ELF2: variants seen among roughly 807,000 people sequenced by gnomAD.
ELF2 encodes E74 like ETS transcription factor 2.
Under a neutral mutation model 54.8 loss-of-function variants are expected in ELF2, and 11 were observed. The observed-to-expected ratio is 0.20, with a 90% CI of 0.13 to 0.33. The LOEUF (loss-of-function observed/expected upper bound fraction) is 0.33, where lower values mean the gene tolerates loss of function less well. Among genes scored for constraint, ELF2 ranks in the 10% least tolerant of loss-of-function variants. The probability of loss-of-function intolerance (pLI) is 1.00; values close to 1 mark genes in which losing one functional copy is unlikely to be tolerated. For synonymous variants in ELF2, 203 were observed against 245.1 expected (o/e 0.83, Z 1.61); for missense variants, 513 against 703.0 (o/e 0.73, Z 3.06).
Position 139,150,555 on chromosome 4 carries a change from G to A in ELF2, c.-251-11058C>T, listed in dbSNP as rs1005330512. ...AAAAAAAAATATGTGAATGAGCAAA[G>A]GGCAAAAGTCAGCCAAGACCCTCCT... On this transcript the variant is annotated intron_variant, in intron 1 of 9. Coordinates refer to ENST00000686138, the MANE Select transcript of ELF2 (RefSeq NM_001331036.3). Among the ~76,000 whole-genome samples the A allele has an allele frequency of 9.3e-5, 14 of 150,804 alleles. No individual in the cohort carries two copies. In the East Asian group the frequency reaches 1.9e-3, roughly 21 times the overall value.
chr4:139,129,805 CTGTT>C (rs1273410084), intron 3 of ELF2, among the ~76,000 whole-genome samples: 1 of 152,168 alleles, frequency 6.6e-6, no homozygotes, highest in East Asian at 1.9e-4. Flanking sequence ...ACAATCAGAA[CTGTT>C]TGTGTTACTT....
At position 139,073,438 on chromosome 4, in the gene ELF2, T is replaced by G; in HGVS notation, c.352+16A>C. 5.2e-6 allele frequency: 8 copies of G among 1,552,514 alleles called. No individual in the cohort carries two copies. Among genetic ancestry groups the G allele is most frequent in the Non-Finnish European group, 7.0e-6 (8 of 1,142,032 alleles). ...TAGTATGACACGTTTAACATAAGAATGAACAGTTTACATACCAGGACTTCT... is the reference window on the plus strand; with the variant it reads ...TAGTATGACACGTTTAACATAAGAAGGAACAGTTTACATACCAGGACTTCT... On this transcript the variant is annotated intron_variant, in intron 5 of 9. Transcript: ENST00000686138.
At position 139,057,554 on chromosome 4, in the gene ELF2, CTT is replaced by C. The variant is rs996750429; in HGVS notation, c.*1427_*1428del. ...TAAAAGGGCTAGAAGAGTAATTGTT[CTT>C]TTTAATCCACAAAAGGTCTGATTGT... On this transcript the variant is annotated 3_prime_UTR_variant, in exon 10 of 10. Transcript: ENST00000686138. 3 of 152,102 alleles carry C rather than the reference CTT, an allele frequency of 2.0e-5. No individual in the cohort carries two copies. The highest frequency in any genetic ancestry group is 2.9e-5 in the Non-Finnish European group (2 of 67,998). The allele number at this position is 152,102 out of a possible 1,614,324, so 9.4% of individuals were successfully genotyped here. A position where few individuals can be genotyped will look rare whatever the true frequency, so the allele number is the denominator to read the frequency against.
chr4:139,127,386 T>C (rs971088752), intron 3 of ELF2, among the ~76,000 whole-genome samples: 1 of 152,172 alleles, frequency 6.6e-6, no homozygotes, highest in African/African-American at 2.4e-5. Flanking sequence ...CACTGACTAC[T>C]TGAAGACAAG....
intron 4 of ELF2, among the ~76,000 whole-genome samples, chr4:139,091,428 A>G (rs1248896538): frequency 6.6e-6 from 1 of 152,264 alleles, no homozygotes; most frequent in Admixed American, 6.5e-5. Context: ...AAAGCAACAT[A>G]GCAAACCTAA....
intron 4 of ELF2, among the ~76,000 whole-genome samples, chr4:139,099,470 A>T (rs922338179): frequency 6.6e-6 from 1 of 152,214 alleles, no homozygotes; most frequent in Non-Finnish European, 1.5e-5. Context: ...ATAGTCAAGT[A>T]AAACTTCCTA....
intron 1 of ELF2, among the ~76,000 whole-genome samples, chr4:139,145,130 G>A (rs2101424): frequency 0.18 from 27,495 of 152,196 alleles, 2,881 homozygotes; most frequent in South Asian, 0.34. Flanking sequence ...CCAAGAAGGA[G>A]AAAACTTATG....
intron 1 of ELF2, among the ~76,000 whole-genome samples, chr4:139,154,936 T>G (rs892882115): frequency 7.2e-5 from 11 of 152,162 alleles, no homozygotes; most frequent in Admixed American, 6.5e-4. Flanking sequence ...CTTTTAAAAA[T>G]TTCTTCCTCT....
intron 4 of ELF2, among the ~76,000 whole-genome samples, chr4:139,113,913 A>G (rs1735250246): frequency 6.6e-6 from 1 of 152,120 alleles, no homozygotes; most frequent in South Asian, 2.1e-4. Context: ...TGCTTTATTA[A>G]TTGACAGAGT....
rs1157707467 is a variant in ELF2 at position 139,067,785 on chromosome 4, T to C, written c.527-15A>G. 6.4e-7 allele frequency: 1 copy of C among 1,566,388 alleles called. No individual in the cohort carries two copies. The highest frequency in any genetic ancestry group is 1.2e-5 in the South Asian group (1 of 83,976). ...TTTACGGCCAACTGAAAAAATAAGATATTGAAACCATACGTTGAAAACAAG... is the reference window on the plus strand; with the variant it reads ...TTTACGGCCAACTGAAAAAATAAGACATTGAAACCATACGTTGAAAACAAG... On this transcript the variant is annotated splice_polypyrimidine_tract_variant and intron_variant, in intron 6 of 9. Coordinates refer to ENST00000686138, the MANE Select transcript of ELF2 (RefSeq NM_001331036.3).
intron 3 of ELF2, chr4:139,137,387 T>C: frequency 5.3e-6 from 3 of 566,406 alleles, no homozygotes; most frequent in South Asian, 2.3e-5. Flanking sequence ...TAGTGTTCTT[T>C]CCATTCCTTT....
chr4:139,081,935 A>T (rs1731171604), intron 4 of ELF2, among the ~76,000 whole-genome samples: 1 of 152,162 alleles, frequency 6.6e-6, no homozygotes, highest in South Asian at 2.1e-4. Flanking sequence ...AAACTTTAAG[A>T]TTCGTATATA....
chr4:139,060,355 T>C lies in ELF2; in HGVS notation c.1126A>G (p.Thr376Ala), dbSNP rs760598290. 23 of 1,611,328 alleles carry C rather than the reference T, an allele frequency of 1.4e-5. No individual in the cohort carries two copies. The highest frequency in any genetic ancestry group is 2.2e-5 in the East Asian group (1 of 44,870). Residue 376 changes from threonine (T) to alanine (A), a missense_variant, in exon 9 of 10, where the codon ACT becomes GCT. By Grantham distance (58) the Thr-to-Ala change is moderately conservative (BLOSUM62 0). Transcript: ENST00000686138. The stretch of plus-strand genomic sequence containing the variant: ...GCTGCTGTTGCTGACACAGATGCAG[T>C]GGTAGTAGGAGACCTGGATGAAGCA... ...HDASSRSPTT[T>A]ASVSATAAPR...
intron 4 of ELF2, among the ~76,000 whole-genome samples, chr4:139,096,449 T>C (rs181225265): frequency 6.6e-6 from 1 of 152,220 alleles, no homozygotes. Context: ...TTTCTATTTC[T>C]TCTTGAGTCA....
At chr4:139,084,037 C>G (rs1343897124) in intron 4 of ELF2, 3 of 1,595,344 alleles carry the variant, frequency 1.9e-6, no homozygotes, top group East Asian at 4.5e-5. Flanking sequence ...GACACTGTAC[C>G]CCCAGCACAG....
At chr4:139,124,746 A>G (rs1736740843) in intron 4 of ELF2, among the ~76,000 whole-genome samples, 1 of 152,212 alleles carries the variant, frequency 6.6e-6, no homozygotes, top group Non-Finnish European at 1.5e-5. Context: ...TAATGAAAAG[A>G]AATCTTATTG....
chr4:139,083,100 C>T (rs559332099), intron 4 of ELF2, among the ~76,000 whole-genome samples: 31 of 152,080 alleles, frequency 2.0e-4, no homozygotes, highest in Non-Finnish European at 3.1e-4. Context: ...TGGAACACCT[C>T]AGAGAGCAGA....
intron 3 of ELF2, among the ~76,000 whole-genome samples, chr4:139,134,766 G>T (rs1326556022): frequency 6.6e-6 from 1 of 151,458 alleles, no homozygotes; most frequent in Non-Finnish European, 1.5e-5. Flanking sequence ...GGCTGGTCTT[G>T]AACTCCTGTC....
intron 4 of ELF2, among the ~76,000 whole-genome samples, chr4:139,095,179 C>T (rs987677556): frequency 1.3e-5 from 2 of 148,952 alleles, no homozygotes; most frequent in Non-Finnish European, 3.0e-5. Context: ...ATGATATTTG[C>T]TATAGATTTT....
Sources: allele counts gnomAD v4.1 joint callset (sites outside exome capture counted in the v4.1 genomes callset), GRCh38; gene constraint gnomAD v4.1.1; transcripts MANE v1.5; gene names NCBI Gene and HGNC (gene_info 2026-07-23, HGNC 2026-07-21).